Variants in GALNTL6 observed in about 807,000 individuals in gnomAD.
GALNTL6 encodes the protein polypeptide N-acetylgalactosaminyltransferase-like 6.
Under a neutral mutation model 73.7 loss-of-function variants are expected in GALNTL6, and 46 were observed. The observed-to-expected ratio is 0.62, with a 90% confidence interval of 0.49 to 0.80. The LOEUF is 0.80. Among genes scored for constraint, GALNTL6 ranks in the 30% least tolerant of loss-of-function variants. GALNTL6 has a pLI of 0.00. For missense variants in GALNTL6, 604 were observed against 755.0 expected, an observed-to-expected ratio of 0.80 and a Z score of 2.34; for synonymous variants, 259 against 263.7, an observed-to-expected ratio of 0.98 and a Z score of 0.17.
rs1270223069 is a variant in GALNTL6, at chr4:172,317,116, A to G, written c.386+5364A>G. Among the ~76,000 whole-genome samples, 4 of 152,222 alleles carry G rather than the reference A, an allele frequency of 2.6e-5. No homozygotes were observed. In the South Asian group the frequency reaches 6.2e-4, roughly 24 times the overall value. ...CTGTGATAAGTAGTACATACTTACA[A>G]GTACTTACATGAAGTACTTACAAAG... On this transcript the variant is annotated intron_variant, in intron 4 of 12. Coordinates refer to ENST00000506823, the MANE Select transcript of GALNTL6 (RefSeq NM_001034845.3).
chr4:172,465,878 G>T (rs1188597971), intron 5 of GALNTL6, among the ~76,000 whole-genome samples: 1 of 152,148 alleles, frequency 6.6e-6, no homozygotes, highest in Non-Finnish European at 1.5e-5. Context: ...TTTTTACTAA[G>T]ATGTTGCAAC....
At chr4:172,544,071 G>A (rs1325946429) in intron 5 of GALNTL6, among the ~76,000 whole-genome samples, 3 of 152,202 alleles carry the variant, frequency 2.0e-5, no homozygotes, top group African/African-American at 7.2e-5. Flanking sequence ...CGATTTCTTA[G>A]TTCCAATAAG....
intron 10 of GALNTL6, among the ~76,000 whole-genome samples, chr4:172,965,408 C>A (rs894803713): frequency 2.0e-5 from 3 of 151,972 alleles, no homozygotes; most frequent in Non-Finnish European, 2.9e-5. Context: ...ATGGTGAAAC[C>A]CCGTCTCTAC....
At chr4:172,663,098 G>GGGGA (rs1731467517) in intron 5 of GALNTL6, among the ~76,000 whole-genome samples, 1 of 152,122 alleles carries the variant, frequency 6.6e-6, no homozygotes, top group South Asian at 2.1e-4. Flanking sequence ...TGTGGAGGGT[G>GGGGA]GAGAATGGTT....
At chr4:171,932,153 T>A (rs568012124) in intron 2 of GALNTL6, among the ~76,000 whole-genome samples, 4 of 152,156 alleles carry the variant, frequency 2.6e-5, no homozygotes, top group Non-Finnish European at 4.4e-5. Flanking sequence ...TAGAAAAATA[T>A]AGGTATAGGT....
intron 2 of GALNTL6, among the ~76,000 whole-genome samples, chr4:172,203,138 C>G (rs1435739233): frequency 6.6e-6 from 1 of 151,998 alleles, no homozygotes; most frequent in Non-Finnish European, 1.5e-5. Context: ...CTAAACAGCA[C>G]TGTAAGGGTA....
intron 5 of GALNTL6, among the ~76,000 whole-genome samples, chr4:172,787,853 G>A (rs56069434): frequency 2.0e-5 from 3 of 151,934 alleles, no homozygotes; most frequent in African/African-American, 4.8e-5. Flanking sequence ...GGAGGTCACC[G>A]CAACAGCAAT....
chr4:171,957,766 A>T (rs1412080605), intron 2 of GALNTL6, among the ~76,000 whole-genome samples: 1 of 152,164 alleles, frequency 6.6e-6, no homozygotes, highest in Non-Finnish European at 1.5e-5. Flanking sequence ...TGTACAATCC[A>T]TTCTCTCCCT....
At chr4:172,554,793 G>T (rs62329996) in intron 5 of GALNTL6, among the ~76,000 whole-genome samples, 13 of 152,144 alleles carry the variant, frequency 8.5e-5, no homozygotes, top group Non-Finnish European at 1.2e-4. Context: ...TGGACATTGC[G>T]CAATTTGTCC....
chr4:172,998,144 A>C (rs940116444), intron 10 of GALNTL6, among the ~76,000 whole-genome samples: 11 of 152,212 alleles, frequency 7.2e-5, no homozygotes, highest in Non-Finnish European at 1.5e-4. Flanking sequence ...GATAGGAAGA[A>C]AATCTCTGCA....
At chr4:172,102,766 T>C (rs1258801857) in intron 2 of GALNTL6, among the ~76,000 whole-genome samples, 1 of 152,194 alleles carries the variant, frequency 6.6e-6, no homozygotes. Context: ...ATTCTTACTC[T>C]GACACTTCTC....
chr4:172,069,428 C>A (rs1179121731), intron 2 of GALNTL6, among the ~76,000 whole-genome samples: 1 of 87,996 alleles, frequency 1.1e-5, no homozygotes. Context: ...ATATATAACA[C>A]ACATATAACA....
chr4:172,514,254 G>C (rs528450570), intron 5 of GALNTL6, among the ~76,000 whole-genome samples: 32 of 152,290 alleles, frequency 2.1e-4, no homozygotes, highest in African/African-American at 7.2e-4. Context: ...CCTGAACTCA[G>C]ACTCTCCTTG....
chr4:172,149,245 T>C (rs918243592), intron 2 of GALNTL6, among the ~76,000 whole-genome samples: 11 of 152,214 alleles, frequency 7.2e-5, no homozygotes, highest in Non-Finnish European at 1.3e-4. Flanking sequence ...AGTTCTTTTC[T>C]CCTTAAATAT....
At chr4:172,356,385 A>G (rs1005710653) in intron 5 of GALNTL6, among the ~76,000 whole-genome samples, 6 of 152,160 alleles carry the variant, frequency 3.9e-5, no homozygotes, top group African/African-American at 1.4e-4. Flanking sequence ...AATGTTCAGT[A>G]TTTCAAGCAG....
intron 5 of GALNTL6, among the ~76,000 whole-genome samples, chr4:172,618,241 A>G (rs1173899133): frequency 6.6e-6 from 1 of 150,740 alleles, no homozygotes; most frequent in Admixed American, 6.6e-5. Context: ...GACTGGTCAT[A>G]TGGAGCTGAA....
chr4:172,253,081 G>A lies in GALNTL6; in HGVS notation c.247+23317G>A, dbSNP rs916081691. Among the ~76,000 whole-genome samples, 3 of 151,772 alleles carry A rather than the reference G, an allele frequency of 2.0e-5. No homozygotes were observed. In the East Asian group the frequency reaches 5.8e-4, roughly 29 times the overall value. ...ATCATAAAAGTCTAAAAAGCGGGAT[G>A]ATAAAAAGACAGTTTGGTAATAAAA... On this transcript the variant is annotated intron_variant, in intron 3 of 12. Coordinates refer to ENST00000506823, the MANE Select transcript of GALNTL6 (RefSeq NM_001034845.3).
chr4:172,307,482 A>AT (rs1740183372), intron 3 of GALNTL6, among the ~76,000 whole-genome samples: 2 of 152,030 alleles, frequency 1.3e-5, no homozygotes. Context: ...AATTTTTATG[A>AT]TTTTAGGTCT....
chr4:172,708,618 G>A (rs979270803), intron 5 of GALNTL6, among the ~76,000 whole-genome samples: 1 of 152,152 alleles, frequency 6.6e-6, no homozygotes, highest in African/African-American at 2.4e-5. Flanking sequence ...AAGAGTAAAT[G>A]AGCCAATATA....
Sources: allele counts gnomAD v4.1 joint callset (sites outside exome capture counted in the v4.1 genomes callset), GRCh38; gene constraint gnomAD v4.1.1; transcripts MANE v1.5; gene names NCBI Gene and HGNC (gene_info 2026-07-23, HGNC 2026-07-21).